Variants in DPY19L3 observed in about 807,000 individuals in gnomAD.
DPY19L3 encodes protein C-mannosyl-transferase DPY19L3.
Under a neutral mutation model 92.3 loss-of-function variants are expected in DPY19L3, and 51 were observed. That is an observed-to-expected ratio of 0.55 (90% CI 0.44 to 0.70). DPY19L3 has a LOEUF of 0.70. DPY19L3 is among the 30% of genes least tolerant of loss of function. The probability of loss-of-function intolerance (pLI) is 0.00; values close to 1 mark genes in which losing one functional copy is unlikely to be tolerated. For synonymous variants in DPY19L3, 309 were observed against 315.2 expected (o/e 0.98, Z 0.21); for missense variants, 706 against 855.9 (o/e 0.82, Z 2.18).
chr19:32,418,153 C>T (rs1275510403), intron 3 of DPY19L3, among the ~76,000 whole-genome samples: 5 of 152,138 alleles, frequency 3.3e-5, no homozygotes, highest in Non-Finnish European at 7.3e-5. Context: ...ATAAAACAGG[C>T]GCTTTTCCCC....
At chr19:32,449,055 G>C (rs1969611015) in intron 8 of DPY19L3, among the ~76,000 whole-genome samples, 1 of 152,068 alleles carries the variant, frequency 6.6e-6, no homozygotes, top group African/African-American at 2.4e-5. Flanking sequence ...CCAGAAAGAT[G>C]TTTTTGGAAA....
At chr19:32,431,056 T>C (rs1292902019) in intron 3 of DPY19L3, among the ~76,000 whole-genome samples, 1 of 152,104 alleles carries the variant, frequency 6.6e-6, no homozygotes, top group Non-Finnish European at 1.5e-5. Flanking sequence ...TTTCCCCCAT[T>C]GGGTTTGTGG....
chr19:32,425,438 C>T (rs1968725047), intron 3 of DPY19L3, among the ~76,000 whole-genome samples: 1 of 151,932 alleles, frequency 6.6e-6, no homozygotes, highest in African/African-American at 2.4e-5. Flanking sequence ...GTAGTCCCAG[C>T]TACTAGGGAG....
chr19:32,461,150 G>A (rs996742508), intron 12 of DPY19L3, among the ~76,000 whole-genome samples: 1 of 152,194 alleles, frequency 6.6e-6, no homozygotes, highest in Non-Finnish European at 1.5e-5. Flanking sequence ...ACAGGCATGA[G>A]CCACTGCACC....
chr19:32,413,439 T>G (rs893911688), intron 3 of DPY19L3, among the ~76,000 whole-genome samples: 1 of 111,760 alleles, frequency 8.9e-6, no homozygotes, highest in East Asian at 2.7e-4. Context: ...CAAAGAAGAA[T>G]AATTCTTTTT....
chr19:32,443,103 C>G (rs539349231), intron 8 of DPY19L3, among the ~76,000 whole-genome samples: 1 of 152,318 alleles, frequency 6.6e-6, no homozygotes, highest in East Asian at 1.9e-4. Context: ...CTGCCCTACC[C>G]CATGCTGTCG....
intron 3 of DPY19L3, among the ~76,000 whole-genome samples, chr19:32,425,634 A>C (rs1277063602): frequency 6.6e-6 from 1 of 152,166 alleles, no homozygotes; most frequent in Non-Finnish European, 1.5e-5. Context: ...TTGTGTTAGC[A>C]GGCATGAAAA....
chr19:32,433,539 T>A (rs574340937), intron 4 of DPY19L3, among the ~76,000 whole-genome samples: 1 of 152,190 alleles, frequency 6.6e-6, no homozygotes, highest in Non-Finnish European at 1.5e-5. Context: ...TGCCTCAGCC[T>A]CTCAAGTAGC....
chr19:32,416,507 A>G (rs1345740420), intron 3 of DPY19L3, among the ~76,000 whole-genome samples: 1 of 152,260 alleles, frequency 6.6e-6, no homozygotes, highest in Non-Finnish European at 1.5e-5. Context: ...CCAGCTGGCT[A>G]CAAATTCTGA....
intron 12 of DPY19L3, 71 bp from the exon 13 acceptor site, chr19:32,463,292 ATCT>A (rs1247507399): frequency 1.3e-5 from 20 of 1,519,032 alleles, no homozygotes; most frequent in African/African-American, 2.8e-5. Flanking sequence ...CATTTCTTGT[ATCT>A]TCTTCTTTTA....
chr19:32,467,621 A>G, intron 15 of DPY19L3: 2 of 987,638 alleles, frequency 2.0e-6, no homozygotes, highest in Non-Finnish European at 2.4e-6. Context: ...GCCAGAGATC[A>G]ATCAGGTGCT....
chr19:32,439,736 C>T lies in DPY19L3; in HGVS notation c.721-40C>T, dbSNP rs151218742. 671 of 1,599,338 alleles carry T rather than the reference C, an allele frequency of 4.2e-4. 1 individual carries two copies. The African/African-American group carries it at 7.7e-3, about 18-fold the overall frequency. On this transcript the variant is annotated intron_variant, in intron 7 of 18. Coordinates refer to ENST00000392250, the MANE Select transcript of DPY19L3 (RefSeq NM_001172774.2). ...AACTTGTCTGCAAGGTTTTTTATTA[C>T]TAGAGACATGTAAATTATACAAAGG...
chr19:32,476,981 GAT>G (rs1323725052), intron 16 of DPY19L3, among the ~76,000 whole-genome samples: 2 of 151,976 alleles, frequency 1.3e-5, no homozygotes, highest in Non-Finnish European at 2.9e-5. Flanking sequence ...ACTGACTCAT[GAT>G]CACCTGCAGT....
chr19:32,407,947 G>T (rs542399630), intron 1 of DPY19L3, among the ~76,000 whole-genome samples: 11 of 152,174 alleles, frequency 7.2e-5, no homozygotes, highest in African/African-American at 2.4e-4. Context: ...TAATTAGCCA[G>T]GTGTAGTAGC....
In DPY19L3 at chr19:32,468,810, TTAAG is replaced by T. The variant is rs768768537; in HGVS notation, c.1697+2_1697+5del. 5.6e-6 allele frequency: 9 copies of T among 1,612,952 alleles called. No homozygotes were observed. The highest frequency in any genetic ancestry group is 5.1e-6 in the Non-Finnish European group (6 of 1,179,502). On this transcript the variant is annotated splice_donor_variant and coding_sequence_variant, in exon 16 of 19. Coordinates refer to ENST00000392250, the MANE Select transcript of DPY19L3 (RefSeq NM_001172774.2). LOFTEE classifies it high-confidence loss of function. ...GATACAGTGGAGCTGATGAACTGGA[TTAAG>T]TAAGAGGATTTTTTTTAACTTTTAA...
chr19:32,448,345 TC>T (rs1339851665), intron 8 of DPY19L3, among the ~76,000 whole-genome samples: 4 of 152,136 alleles, frequency 2.6e-5, no homozygotes, highest in Non-Finnish European at 5.9e-5. Flanking sequence ...CTGTAGTTAT[TC>T]TACACAGAAA....
intron 4 of DPY19L3, among the ~76,000 whole-genome samples, chr19:32,434,261 A>G (rs1232678339): frequency 6.6e-6 from 1 of 152,024 alleles, no homozygotes; most frequent in Non-Finnish European, 1.5e-5. Flanking sequence ...ATGAGGCGAC[A>G]CTCTGCCTCC....
At chr19:32,468,193 A>G in intron 15 of DPY19L3, 1 of 921,696 alleles carries the variant, frequency 1.1e-6, no homozygotes, top group South Asian at 5.0e-5. Context: ...TCTAAATGAA[A>G]AATAAATCCC....
At chr19:32,467,327 A>G (rs1011768911) in intron 15 of DPY19L3, 1 of 592,776 alleles carries the variant, frequency 1.7e-6, no homozygotes, top group Non-Finnish European at 2.1e-6. Context: ...CAGATTTCAA[A>G]TATGTTTATA....
Sources: gnomAD v4.1 joint callset for allele counts (sites outside exome capture counted in the v4.1 genomes callset) on GRCh38, gnomAD v4.1.1 for gene constraint, MANE v1.5 for transcripts, NCBI Gene and HGNC (gene_info 2026-07-23, HGNC 2026-07-21) for gene names.